Variants in ABI2 observed in about 807,000 individuals in gnomAD.
ABI2 encodes the protein abelson interactor 2.
A neutral mutation model predicts 59.2 loss-of-function variants in ABI2; 25 were observed. The ratio of observed to expected loss-of-function variants is 0.42; its 90% CI spans 0.31 to 0.59. ABI2 has a LOEUF of 0.59. Among genes scored for constraint, ABI2 ranks in the 20% least tolerant of loss-of-function variants. The pLI, the probability that ABI2 is intolerant of heterozygous loss-of-function variation, is 0.14. For missense variants in ABI2, 545 were observed against 681.8 expected, an observed-to-expected ratio of 0.80 and a Z score of 2.23; for synonymous variants, 213 against 235.5, an observed-to-expected ratio of 0.90 and a Z score of 0.87.
At position 203,402,618 on chromosome 2, in the gene ABI2, G is replaced by A; in HGVS notation, c.1076G>A (p.Arg359His). 1 of 1,600,134 alleles carries A rather than the reference G, an allele frequency of 6.2e-7. No individual in the cohort carries two copies. The highest frequency in any genetic ancestry group is 8.5e-7 in the Non-Finnish European group (1 of 1,174,962). ...TACAGCATGAATAGGCCTGCCTCTC[G>A]CCATACTCCCCCAACAATAGGGGGC... ...QFYSMNRPAS[R>H]HTPPTIGGSL... is the part of the protein sequence containing the mutation. Residue 359 changes from arginine (R) to histidine (H), a missense_variant, in exon 9 of 12, where the codon CGC becomes CAC. This residue lies in a region of ABI2 where 410 missense variants were observed against 435.6 expected (regional missense o/e 0.94). Coordinates refer to ENST00000261018, the MANE Select transcript of ABI2 (RefSeq NM_001375670.1).
At chr2:203,353,492 T>A (rs185318766) in intron 1 of ABI2, among the ~76,000 whole-genome samples, 55 of 152,312 alleles carry the variant, frequency 3.6e-4, no homozygotes, top group African/African-American at 1.2e-3. Context: ...TATTTATTTA[T>A]TTTTTGAGAC....
At chr2:203,359,857 AC>A (rs2093141195) in intron 1 of ABI2, among the ~76,000 whole-genome samples, 1 of 151,838 alleles carries the variant, frequency 6.6e-6, no homozygotes, top group Admixed American at 6.6e-5. Context: ...GGGGGGGGAC[AC>A]AAAAATTCAG....
chr2:203,360,928 C>T (rs778124792), intron 1 of ABI2, among the ~76,000 whole-genome samples: 6 of 152,156 alleles, frequency 3.9e-5, no homozygotes, highest in African/African-American at 1.2e-4. Flanking sequence ...AGGGTAACAA[C>T]TAATTGTTAC....
At chr2:203,391,376 C>A (rs2096736634) in intron 5 of ABI2, among the ~76,000 whole-genome samples, 2 of 152,060 alleles carry the variant, frequency 1.3e-5, no homozygotes, top group Admixed American at 1.3e-4. Context: ...AATCCTAGCC[C>A]AAGTTCATAG....
At chr2:203,366,193 C>T (rs1484079091) in intron 1 of ABI2, among the ~76,000 whole-genome samples, 1 of 152,098 alleles carries the variant, frequency 6.6e-6, no homozygotes, top group Admixed American at 6.6e-5. Flanking sequence ...GTGGCTCATG[C>T]CTGTAATCCC....
chr2:203,365,464 T>G (rs1055766105), intron 1 of ABI2, among the ~76,000 whole-genome samples: 4 of 152,174 alleles, frequency 2.6e-5, no homozygotes, highest in South Asian at 2.1e-4. Flanking sequence ...TTGTATAATT[T>G]AAAGCTACAA....
intron 11 of ABI2, among the ~76,000 whole-genome samples, chr2:203,421,837 G>A (rs538130848): frequency 9.2e-5 from 14 of 152,078 alleles, no homozygotes; most frequent in African/African-American, 2.9e-4. Flanking sequence ...GGTGGTGCAC[G>A]CCTGTAGTCC....
At chr2:203,346,631 A>T (rs892552045) in intron 1 of ABI2, among the ~76,000 whole-genome samples, 1 of 152,158 alleles carries the variant, frequency 6.6e-6, no homozygotes, top group Non-Finnish European at 1.5e-5. Flanking sequence ...AACTCTAGGG[A>T]GTGTAAACTT....
chr2:203,335,953 T>C (rs2076253590), intron 1 of ABI2, among the ~76,000 whole-genome samples: 1 of 152,208 alleles, frequency 6.6e-6, no homozygotes, highest in Middle Eastern at 3.2e-3. Context: ...GTCAGTCCTG[T>C]CCCTCCACTA....
intron 1 of ABI2, among the ~76,000 whole-genome samples, chr2:203,352,840 C>T (rs1430698538): frequency 6.6e-6 from 1 of 152,130 alleles, no homozygotes; most frequent in East Asian, 1.9e-4. Context: ...TGGTAAGTGC[C>T]CTATGCAGGT....
At chr2:203,376,052 CT>C in intron 2 of ABI2, 1 of 1,530,036 alleles carries the variant, frequency 6.5e-7, no homozygotes, top group Non-Finnish European at 8.8e-7. Flanking sequence ...AATATCTATA[CT>C]TAGGCAAATT....
At chr2:203,380,950 A>G (rs578033713) in intron 3 of ABI2, among the ~76,000 whole-genome samples, 2 of 152,330 alleles carry the variant, frequency 1.3e-5, no homozygotes, top group African/African-American at 2.4e-5. Flanking sequence ...TGCCTAGAAC[A>G]TGCAAATTTC....
Position 203,431,708 on chromosome 2 carries a change from A to C in ABI2, c.*4356A>C, listed in dbSNP as rs1189186494. The stretch of plus-strand genomic sequence containing the variant: ...CTCATATAATTATTAAAAAAAAAAA[A>C]CAATTAAAACGAAACGGCGGGGCCT... On this transcript the variant is annotated 3_prime_UTR_variant, in exon 12 of 12. Coordinates refer to ENST00000261018, the MANE Select transcript of ABI2 (RefSeq NM_001375670.1). 6.6e-6 allele frequency: 1 copy of C among 150,792 alleles called. No homozygotes were observed. The highest frequency in any genetic ancestry group is 1.5e-5 in the Non-Finnish European group (1 of 67,856). 9.3% of individuals were successfully genotyped at this position (150,792 alleles called of 1,614,324 possible).
At chr2:203,335,936 C>G (rs551626997) in intron 1 of ABI2, among the ~76,000 whole-genome samples, 5 of 152,284 alleles carry the variant, frequency 3.3e-5, no homozygotes, top group African/African-American at 9.6e-5. Context: ...TCCTTGTACC[C>G]TCTGTAGTCA....
intron 2 of ABI2, 50 bp downstream of exon 2, chr2:203,367,094 AAC>A (rs2094518343): frequency 6.5e-7 from 1 of 1,542,462 alleles, no homozygotes; most frequent in Non-Finnish European, 8.8e-7. Flanking sequence ...CTTAATAATA[AAC>A]ACAGGCTATC....
intron 1 of ABI2, among the ~76,000 whole-genome samples, chr2:203,336,723 C>T (rs1458621865): frequency 1.3e-5 from 2 of 152,170 alleles, no homozygotes; most frequent in African/African-American, 4.8e-5. Context: ...ATTCCTTCTG[C>T]CCTCCATGTA....
intron 8 of ABI2, 33 bp downstream of exon 8, chr2:203,397,000 G>C (rs3731652): frequency 0.8 from 1,092,372 of 1,362,922 alleles, 443,720 homozygotes; most frequent in Middle Eastern, 0.86. Flanking sequence ...GCAGGCAGAT[G>C]CAGTCATCTG....
At chr2:203,407,133 G>T (rs979678984) in intron 9 of ABI2, among the ~76,000 whole-genome samples, 1 of 152,142 alleles carries the variant, frequency 6.6e-6, no homozygotes, top group Non-Finnish European at 1.5e-5. Context: ...GCAAAGAATT[G>T]TTGCAATATT....
chr2:203,361,691 A>G (rs2093532730), intron 1 of ABI2, among the ~76,000 whole-genome samples: 1 of 152,248 alleles, frequency 6.6e-6, no homozygotes, highest in Non-Finnish European at 1.5e-5. Context: ...TCAACCAGAC[A>G]GTTCCTTATT....
Sources: gnomAD v4.1 joint callset for allele counts (sites outside exome capture counted in the v4.1 genomes callset) on GRCh38, gnomAD v4.1.1 for gene constraint, gnomAD v4.1.1 regional missense constraint, MANE v1.5 for transcripts, NCBI Gene and HGNC (gene_info 2026-07-23, HGNC 2026-07-21) for gene names.